The following PCDHGC4 variants were observed in gnomAD, a reference collection of about 807,000 sequenced individuals.
PCDHGC4 encodes the protein protocadherin gamma subfamily C, 4, also known as protocadherin gamma-C4.
Under a neutral mutation model 59.7 loss-of-function variants are expected in PCDHGC4, and 15 were observed. The ratio of observed to expected loss-of-function variants is 0.25; its 90% CI spans 0.17 to 0.39. PCDHGC4 has a LOEUF of 0.39. Among genes scored for constraint, PCDHGC4 ranks in the 10% least tolerant of loss-of-function variants. The pLI, the probability that PCDHGC4 is intolerant of heterozygous loss-of-function variation, is 1.00. For missense variants in PCDHGC4, 1,016 were observed against 1,189.5 expected (o/e 0.85, Z 2.15); for synonymous variants, 434 against 481.4 (o/e 0.90, Z 1.29).
In PCDHGC4 at chr5:141,489,782, A is replaced by C. The variant is rs770399288; in HGVS notation, c.2442+2167A>C. On this transcript the variant is annotated intron_variant, in intron 1 of 3. Coordinates refer to ENST00000306593, the MANE Select transcript of PCDHGC4 (RefSeq NM_018928.3). The surrounding 1 kb of genome is among the most constrained non-coding windows in gnomAD (Gnocchi z 4.5). ...AGCCCCAACAGCCACTTCTCTCTGA[A>C]TGTGAAGACCCTAAAAGATGGGAAG... 2 of 1,614,078 alleles carry C rather than the reference A, an allele frequency of 1.2e-6. No homozygotes were observed. The highest frequency in any genetic ancestry group is 2.2e-5 in the East Asian group (1 of 44,894).
Position 141,485,286 on chromosome 5 carries a change from AG to A in PCDHGC4, c.114del (p.Glu38AspfsTer8). On this transcript the variant is annotated frameshift_variant, in exon 1 of 4. Coordinates refer to ENST00000306593, the MANE Select transcript of PCDHGC4 (RefSeq NM_018928.3). LOFTEE classifies it high-confidence loss of function. This position sits in a 1 kb window ranked among gnomAD's most constrained non-coding sequence, Gnocchi z 5.7. ...CGQIRYPVPE[E>X]SQEGTFVGNV... ...CAGATCCGCTACCCGGTCCCAGAGG[AG>A]TCACAGGAAGGGACTTTTGTAGGGA... The A allele has an allele frequency of 6.2e-7, 1 of 1,614,044 alleles. No homozygotes were observed. Among genetic ancestry groups the A allele is most frequent in the Non-Finnish European group, 8.5e-7 (1 of 1,179,928 alleles).
In PCDHGC4 at chr5:141,491,634, C is replaced by T; in HGVS notation, c.2443-3173C>T. On this transcript the variant is annotated intron_variant, in intron 1 of 3. Coordinates refer to ENST00000306593, the MANE Select transcript of PCDHGC4 (RefSeq NM_018928.3). This position sits in a 1 kb window ranked among gnomAD's most constrained non-coding sequence, Gnocchi z 6.9. ...TAAGACCCCTCAGCGTTCAGCAGCC[C>T]ACAGCTCTGGCGCTGGAGCCTGACG... 1 of 1,613,892 alleles carries T rather than the reference C, an allele frequency of 6.2e-7. No individual in the cohort carries two copies. Among genetic ancestry groups the T allele is most frequent in the South Asian group, 1.1e-5 (1 of 91,084 alleles).
intron 2 of PCDHGC4, among the ~76,000 whole-genome samples, chr5:141,504,036 G>T (rs1472706342): frequency 6.6e-6 from 1 of 152,080 alleles, no homozygotes; most frequent in African/African-American, 2.4e-5. Flanking sequence ...ACTCATTTAG[G>T]CAACAAATAT....
intron 2 of PCDHGC4, among the ~76,000 whole-genome samples, chr5:141,495,389 C>T (rs966648925): frequency 2.0e-5 from 3 of 152,204 alleles, no homozygotes; most frequent in African/African-American, 7.2e-5. Context: ...CTGGGCGGGG[C>T]ATGGAGCAGG....
rs142590218 is a variant in PCDHGC4, at chr5:141,489,982, C to T, written c.2442+2367C>T. On this transcript the variant is annotated intron_variant, in intron 1 of 3. Coordinates refer to ENST00000306593, the MANE Select transcript of PCDHGC4 (RefSeq NM_018928.3). This position sits in a 1 kb window ranked among gnomAD's most constrained non-coding sequence, Gnocchi z 4.5. ...TCCAACCTTCCAATCCTCAGTTCTA[C>T]GTGTGGGAATCCCAGAGAATGCACC... The T allele has an allele frequency of 2.9e-5, 47 of 1,614,010 alleles. No individual in the cohort carries two copies. The highest frequency in any genetic ancestry group is 3.7e-5 in the Non-Finnish European group (44 of 1,179,964).
intron 1 of PCDHGC4, chr5:141,492,007 C>T (rs1261430567): frequency 3.0e-5 from 19 of 628,956 alleles, no homozygotes; most frequent in Non-Finnish European, 4.6e-5. Flanking sequence ...GCGATTTCCG[C>T]GGGTGTCGGG....
intron 3 of PCDHGC4, 122 bp downstream of exon 3, chr5:141,505,603 G>A (rs900982128): frequency 6.5e-7 from 1 of 1,534,594 alleles, no homozygotes; most frequent in African/African-American, 1.4e-5. Flanking sequence ...TCTTTCGGCA[G>A]GTCTGAAAGG....
intron 3 of PCDHGC4, among the ~76,000 whole-genome samples, chr5:141,509,040 C>T (rs1217864661): frequency 6.6e-6 from 1 of 152,132 alleles, no homozygotes; most frequent in African/African-American, 2.4e-5. Context: ...CAACCCCTCT[C>T]CCCCGCCCCC....
chr5:141,509,809 A>G (rs13163163), intron 3 of PCDHGC4, among the ~76,000 whole-genome samples: 35,240 of 151,962 alleles, frequency 0.23, 4,247 homozygotes, highest in Admixed American at 0.33. Context: ...CATAGAGCCG[A>G]GCTCTTCTCC....
rs372326132 is a variant in PCDHGC4 at position 141,486,185 on chromosome 5, G to A, written c.1012G>A (p.Val338Met). The change falls in exon 1 of 4, where the codon GTG (valine) becomes ATG (methionine). Residue 338 changes from valine to methionine, a missense_variant. By Grantham distance (21) the Val-to-Met change is conservative. Coordinates refer to ENST00000306593, the MANE Select transcript of PCDHGC4 (RefSeq NM_018928.3). The surrounding 1 kb of genome is among the most constrained non-coding windows in gnomAD (Gnocchi z 5.0). ...CATGGAGCAACATTGCAGCCTTCGAGTGGATCTGCTGGACGTAAATGACAA... is the reference window on the plus strand; with the variant it reads ...CATGGAGCAACATTGCAGCCTTCGAATGGATCTGCTGGACGTAAATGACAA... ...PAMEQHCSLR[V>M]DLLDVNDNAP... is the part of the protein sequence containing the mutation. 42 of 1,614,108 alleles carry A rather than the reference G, an allele frequency of 2.6e-5. No homozygotes were observed. The highest frequency in any genetic ancestry group is 3.4e-5 in the Non-Finnish European group (40 of 1,180,048).
chr5:141,497,191 A>G (rs2099774633), intron 2 of PCDHGC4, among the ~76,000 whole-genome samples: 1 of 126,864 alleles, frequency 7.9e-6, no homozygotes, highest in Admixed American at 8.3e-5. Context: ...TGAGAGGCAG[A>G]GAACAATGTG....
intron 2 of PCDHGC4, among the ~76,000 whole-genome samples, chr5:141,501,802 C>T (rs2099811151): frequency 1.3e-5 from 2 of 152,154 alleles, no homozygotes; most frequent in Non-Finnish European, 2.9e-5. Context: ...ATCTCTTACC[C>T]AGCTTCACAT....
chr5:141,489,405 G>A lies in PCDHGC4; in HGVS notation c.2442+1790G>A. ...ATGTTGCTCAGGATCTGGGCTTAAA[G>A]ATGACAGATCTGTTGAGCCGGCGGC... On this transcript the variant is annotated intron_variant, in intron 1 of 3. Transcript: ENST00000306593. This position sits in a 1 kb window ranked among gnomAD's most constrained non-coding sequence, Gnocchi z 4.5. The A allele has an allele frequency of 1.2e-6, 2 of 1,614,204 alleles. No individual in the cohort carries two copies. The highest frequency in any genetic ancestry group is 2.2e-5 in the South Asian group (2 of 91,088).
chr5:141,499,599 C>G (rs2099792919), intron 2 of PCDHGC4, among the ~76,000 whole-genome samples: 2 of 152,102 alleles, frequency 1.3e-5, no homozygotes, highest in South Asian at 4.1e-4. Context: ...TCACCTATAT[C>G]CCTACCCTTA....
rs202183643 is a variant in PCDHGC4 at position 141,490,646 on chromosome 5, C to T, written c.2442+3031C>T. 9 of 1,614,186 alleles carry T rather than the reference C, an allele frequency of 5.6e-6. No homozygotes were observed. Among genetic ancestry groups the T allele is most frequent in the African/African-American group, 2.7e-5 (2 of 75,054 alleles). ...GCTTACATCCTAGAAAACCGGCCTC[C>T]GGGCTCCCTTCTTTGCACTGTGGCT... On this transcript the variant is annotated intron_variant, in intron 1 of 3. Transcript: ENST00000306593. The surrounding 1 kb of genome is among the most constrained non-coding windows in gnomAD (Gnocchi z 5.4).
Position 141,485,373 on chromosome 5 carries a change from C to T in PCDHGC4, c.200C>T (p.Ala67Val). 2 of 1,614,136 alleles carry T rather than the reference C, an allele frequency of 1.2e-6. No homozygotes were observed. Among genetic ancestry groups the T allele is most frequent in the East Asian group, 2.2e-5 (1 of 44,868 alleles). The change falls in exon 1 of 4, where the codon GCT becomes GTT. Residue 67 changes from alanine to valine, a missense_variant. Transcript: ENST00000306593. This position sits in a 1 kb window ranked among gnomAD's most constrained non-coding sequence, Gnocchi z 5.7. ...CTGTCAGCTCGCAGGCTGCAGGTCG[C>T]TGGAGAGGTGAACCAAAGACACTTC... is the stretch of plus-strand genomic sequence containing the variant. ...DSLSARRLQV[A>V]GEVNQRHFRV...
rs1387677265 is a variant in PCDHGC4 at position 141,486,434 on chromosome 5, T to C, written c.1261T>C (p.Tyr421His). 3 of 1,614,150 alleles carry C rather than the reference T, an allele frequency of 1.9e-6. No homozygotes were observed. The highest frequency in any genetic ancestry group is 2.5e-6 in the Non-Finnish European group (3 of 1,179,986). The stretch of plus-strand genomic sequence containing the variant: ...CTTGGATCGAGAGGCCAAATCTAGC[T>C]ATGACATCATGGTCACTGCTTCTGA... ...GPLDREAKSS[Y>H]DIMVTASDAG... The change falls in exon 1 of 4, where the codon TAT (tyrosine) becomes CAT (histidine). Residue 421 changes from tyrosine to histidine, a missense_variant. Coordinates refer to ENST00000306593, the MANE Select transcript of PCDHGC4 (RefSeq NM_018928.3). This position sits in a 1 kb window ranked among gnomAD's most constrained non-coding sequence, Gnocchi z 5.0.
rs771124496 is a variant in PCDHGC4, at chr5:141,489,457, C to T, written c.2442+1842C>T. The T allele has an allele frequency of 1.2e-5, 19 of 1,613,882 alleles. No homozygotes were observed. The highest frequency in any genetic ancestry group is 6.7e-5 in the African/African-American group (5 of 74,896). Reference sequence around the variant, plus strand: ...GCAATTGGGCTCTGAGGAGAATGGGCGCTATTTTTCCCTGAGCTTGATGAG... The same window carrying T: ...GCAATTGGGCTCTGAGGAGAATGGGTGCTATTTTTCCCTGAGCTTGATGAG... On this transcript the variant is annotated intron_variant, in intron 1 of 3. Coordinates refer to ENST00000306593, the MANE Select transcript of PCDHGC4 (RefSeq NM_018928.3). The surrounding 1 kb of genome is among the most constrained non-coding windows in gnomAD (Gnocchi z 4.5).
chr5:141,486,425 A>C lies in PCDHGC4; in HGVS notation c.1252A>C (p.Lys418Gln). The C allele has an allele frequency of 6.2e-7, 1 of 1,614,228 alleles. No homozygotes were observed. Residue 418 changes from lysine to glutamine, a missense_variant, in exon 1 of 4, where the codon AAA (lysine) becomes CAA (glutamine). Transcript: ENST00000306593. This position sits in a 1 kb window ranked among gnomAD's most constrained non-coding sequence, Gnocchi z 5.0. Reference sequence around the variant, plus strand: ...TGCTGGACCCTTGGATCGAGAGGCCAAATCTAGCTATGACATCATGGTCAC... The same window carrying C: ...TGCTGGACCCTTGGATCGAGAGGCCCAATCTAGCTATGACATCATGGTCAC... ...VTAGPLDREAKSSYDIMVTAS... is the reference protein window; with the variant it reads ...VTAGPLDREAQSSYDIMVTAS...
Sources: allele counts gnomAD v4.1 joint callset (sites outside exome capture counted in the v4.1 genomes callset), GRCh38; gene constraint gnomAD v4.1.1; non-coding constraint Gnocchi (gnomAD v3.1); transcripts MANE v1.5; gene names NCBI Gene and HGNC (gene_info 2026-07-23, HGNC 2026-07-21).